PPP3CA: variants seen among roughly 807,000 people sequenced by gnomAD.
PPP3CA encodes the protein protein phosphatase 3 catalytic subunit alpha.
Under a neutral mutation model 66.5 loss-of-function variants are expected in PPP3CA, and 14 were observed. That is an observed-to-expected ratio of 0.21 (90% CI 0.14 to 0.33). The LOEUF (loss-of-function observed/expected upper bound fraction) is 0.33, where lower values mean the gene tolerates loss of function less well. Among genes scored for constraint, PPP3CA ranks in the 10% least tolerant of loss-of-function variants. The pLI is 1.00. For missense variants in PPP3CA, 317 were observed against 639.5 expected (o/e 0.50, Z 5.44); for synonymous variants, 232 against 226.2 (o/e 1.03, Z -0.23).
At chr4:101,126,580 T>C (rs1722252463) in intron 2 of PPP3CA, among the ~76,000 whole-genome samples, 1 of 152,212 alleles carries the variant, frequency 6.6e-6, no homozygotes, top group Non-Finnish European at 1.5e-5. Context: ...ATTCTGATCG[T>C]ACAGATACAG....
rs190051250 is a variant in PPP3CA, at chr4:101,256,786, G to A, written c.59-60670C>T. ...GTTGTATTCCTAGGTAGCAGATTCA[G>A]TCACCAATAGACTAATAGAGATGGT... On this transcript the variant is annotated intron_variant, in intron 1 of 13. Transcript: ENST00000394854. 1.0e-3 allele frequency among the ~76,000 whole-genome samples: 157 copies of A among 152,090 alleles called. 1 individual carries two copies. Among genetic ancestry groups the A allele is most frequent in the African/African-American group, 3.6e-3 (148 of 41,516 alleles).
At chr4:101,133,453 T>A (rs1722515291) in intron 2 of PPP3CA, among the ~76,000 whole-genome samples, 1 of 151,748 alleles carries the variant, frequency 6.6e-6, no homozygotes, top group Non-Finnish European at 1.5e-5. Context: ...TATACACCAA[T>A]AATAGACAGA....
In PPP3CA at chr4:101,196,044, T is replaced by C; in HGVS notation, c.131A>G (p.Asp44Gly). The C allele has an allele frequency of 6.2e-7, 1 of 1,614,046 alleles. No individual in the cohort carries two copies. Among genetic ancestry groups the C allele is most frequent in the Non-Finnish European group, 8.5e-7 (1 of 1,179,978 alleles). ...CTTCATAAGATGCGCCTTTAAGATA[T>C]CCACACGAGGTTTTCCATCATTATC... ...VFDNDGKPRV[D>G]ILKAHLMKEG... The change falls in exon 2 of 14, where the codon GAT (aspartate) becomes GGT (glycine). Residue 44 changes from aspartate to glycine, a missense_variant. Around this residue, in one of 3 missense-constraint regions of PPP3CA, gnomAD observed 76 missense variants for 99.5 expected, o/e 0.76. Transcript: ENST00000394854.
At chr4:101,153,014 A>G (rs1417920384) in intron 2 of PPP3CA, among the ~76,000 whole-genome samples, 1 of 152,216 alleles carries the variant, frequency 6.6e-6, no homozygotes, top group Non-Finnish European at 1.5e-5. Context: ...ATTCCATTAA[A>G]TGTTAGGTAT....
At chr4:101,220,618 T>C (rs879205475) in intron 1 of PPP3CA, among the ~76,000 whole-genome samples, 1 of 151,744 alleles carries the variant, frequency 6.6e-6, no homozygotes, top group Non-Finnish European at 1.5e-5. Context: ...TTGTTTTTCT[T>C]AATTATTCTT....
intron 8 of PPP3CA, among the ~76,000 whole-genome samples, chr4:101,071,898 T>A (rs186353513): frequency 1.3e-3 from 197 of 152,340 alleles, no homozygotes; most frequent in Non-Finnish European, 2.2e-3. Flanking sequence ...ACAGAGATTA[T>A]GTGTAGATTC....
At chr4:101,279,170 TA>T (rs1560694939) in intron 1 of PPP3CA, among the ~76,000 whole-genome samples, 1 of 151,458 alleles carries the variant, frequency 6.6e-6, no homozygotes, top group African/African-American at 2.4e-5. Context: ...TGCCTAGAAT[TA>T]AAAAAGAAAA....
At chr4:101,263,302 C>T (rs1727063178) in intron 1 of PPP3CA, among the ~76,000 whole-genome samples, 1 of 152,158 alleles carries the variant, frequency 6.6e-6, no homozygotes, top group African/African-American at 2.4e-5. Flanking sequence ...GAAGAGTTTA[C>T]ACAAAAAACT....
intron 2 of PPP3CA, among the ~76,000 whole-genome samples, chr4:101,172,941 C>G (rs1723932710): frequency 6.6e-6 from 1 of 152,162 alleles, no homozygotes; most frequent in Admixed American, 6.6e-5. Flanking sequence ...ACAAGGCACA[C>G]ATTAGATTTG....
chr4:101,090,096 T>A (rs1007787090), intron 6 of PPP3CA, among the ~76,000 whole-genome samples: 2 of 152,158 alleles, frequency 1.3e-5, no homozygotes, highest in African/African-American at 4.8e-5. Flanking sequence ...ATTTCATGGC[T>A]TGCTTGTGCC....
intron 1 of PPP3CA, among the ~76,000 whole-genome samples, chr4:101,198,438 C>A (rs1268381188): frequency 6.6e-6 from 1 of 152,084 alleles, no homozygotes; most frequent in East Asian, 1.9e-4. Flanking sequence ...GTGGTAAGGG[C>A]AAGAGCTGAA....
chr4:101,320,773 C>G (rs1006657821), intron 1 of PPP3CA, among the ~76,000 whole-genome samples: 2 of 152,018 alleles, frequency 1.3e-5, no homozygotes. Flanking sequence ...ATTGCCTGAT[C>G]CAGGAGTAGG....
At chr4:101,177,875 G>C (rs1724113164) in intron 2 of PPP3CA, among the ~76,000 whole-genome samples, 1 of 151,006 alleles carries the variant, frequency 6.6e-6, no homozygotes. Flanking sequence ...TCATTATCCA[G>C]AGTACACTAC....
At chr4:101,226,070 C>T (rs917700530) in intron 1 of PPP3CA, among the ~76,000 whole-genome samples, 4 of 151,692 alleles carry the variant, frequency 2.6e-5, no homozygotes, top group Non-Finnish European at 5.9e-5. Context: ...TAATATTATT[C>T]TTCTTTCTAC....
intron 1 of PPP3CA, among the ~76,000 whole-genome samples, chr4:101,336,631 G>C (rs1010615989): frequency 4.6e-5 from 7 of 151,748 alleles, no homozygotes; most frequent in Admixed American, 1.3e-4. Flanking sequence ...GAGCTCTCTG[G>C]AGGCAAACAG....
At chr4:101,167,932 T>G (rs1248744814) in intron 2 of PPP3CA, among the ~76,000 whole-genome samples, 1 of 152,048 alleles carries the variant, frequency 6.6e-6, no homozygotes, top group South Asian at 2.1e-4. Context: ...GCCTTGGAGT[T>G]GAGGTAAAGC....
intron 1 of PPP3CA, among the ~76,000 whole-genome samples, chr4:101,227,879 T>C (rs966777176): frequency 1.3e-5 from 2 of 151,736 alleles, no homozygotes; most frequent in African/African-American, 4.8e-5. Context: ...CATGTACCCA[T>C]GTTGCTACAA....
intron 2 of PPP3CA, among the ~76,000 whole-genome samples, chr4:101,189,696 AAAAAAAAAC>A: frequency 6.6e-6 from 1 of 151,168 alleles, no homozygotes; most frequent in African/African-American, 2.4e-5. Flanking sequence ...GCAAAAAAAA[AAAAAAAAAC>A]AAAACCAAAA....
intron 1 of PPP3CA, among the ~76,000 whole-genome samples, chr4:101,286,570 T>C (rs1365184023): frequency 6.6e-6 from 1 of 152,148 alleles, no homozygotes; most frequent in Non-Finnish European, 1.5e-5. Flanking sequence ...TTCAAACAAC[T>C]AATTAAAAAA....
Sources: allele counts gnomAD v4.1 joint callset (sites outside exome capture counted in the v4.1 genomes callset), GRCh38; gene constraint gnomAD v4.1.1; regional missense constraint gnomAD v4.1.1; transcripts MANE v1.5; gene names NCBI Gene and HGNC (gene_info 2026-07-23, HGNC 2026-07-21).